The following RBM25 variants were observed in gnomAD, a reference collection of about 807,000 sequenced individuals.
RBM25 encodes RNA binding motif protein 25, also known as RNA-binding protein 25.
In RBM25, 19 loss-of-function variants were observed where a neutral mutation model predicts 120.7. The observed-to-expected ratio is 0.16, with a 90% CI of 0.11 to 0.23. The LOEUF is 0.23. Among genes scored for constraint, RBM25 ranks in the 10% least tolerant of loss-of-function variants. The pLI is 1.00. For synonymous variants in RBM25, 390 were observed against 326.7 expected, an observed-to-expected ratio of 1.19 and a Z score of -2.09; for missense variants, 605 against 1,041.5, an observed-to-expected ratio of 0.58 and a Z score of 5.77.
chr14:73,116,436 G>A (rs965447605), intron 18 of RBM25, among the ~76,000 whole-genome samples: 2 of 152,228 alleles, frequency 1.3e-5, no homozygotes, highest in Non-Finnish European at 2.9e-5. Flanking sequence ...GCTGCTTTGT[G>A]TCCAGGCATT....
chr14:73,104,830 A>G (rs184124545), intron 10 of RBM25, among the ~76,000 whole-genome samples: 1 of 152,252 alleles, frequency 6.6e-6, no homozygotes, highest in Non-Finnish European at 1.5e-5. Context: ...TTACTTGATT[A>G]TGGCTGGAGG....
At chr14:73,066,216 A>G (rs1342785778) in intron 1 of RBM25, among the ~76,000 whole-genome samples, 3 of 152,218 alleles carry the variant, frequency 2.0e-5, no homozygotes, top group Admixed American at 1.3e-4. Flanking sequence ...AAAGTTTTAC[A>G]GAAAGTTTAT....
rs1256713387 is a variant in RBM25 at position 73,099,663 on chromosome 14, T to C, written c.784-4T>C. On this transcript the variant is annotated splice_region_variant and splice_polypyrimidine_tract_variant and intron_variant, in intron 8 of 18. Coordinates refer to ENST00000261973, the MANE Select transcript of RBM25 (RefSeq NM_021239.3). ...CATTCCCTCCTGTGCCCGTTTTCTT[T>C]TAGGAGGATATAAATGCTATAGAAA... 6.3e-7 allele frequency: 1 copy of C among 1,592,774 alleles called. No homozygotes were observed. The highest frequency in any genetic ancestry group is 1.2e-5 in the South Asian group (1 of 86,550).
At position 73,079,183 on chromosome 14, in the gene RBM25, G is replaced by T. The variant is rs1315441284; in HGVS notation, c.324+1647G>T. Among the ~76,000 whole-genome samples, 2 of 150,674 alleles carry T rather than the reference G, an allele frequency of 1.3e-5. 1 individual carries two copies. Among genetic ancestry groups the T allele is most frequent in the Non-Finnish European group, 3.0e-5 (2 of 67,202 alleles). On this transcript the variant is annotated intron_variant, in intron 4 of 18. Coordinates refer to ENST00000261973, the MANE Select transcript of RBM25 (RefSeq NM_021239.3). ...CACACCTGTAATCCCGGCACTTTGCGGGGCCAAGGTGAGTGGATCACTTGA... is the reference window on the plus strand; with the variant it reads ...CACACCTGTAATCCCGGCACTTTGCTGGGCCAAGGTGAGTGGATCACTTGA...
chr14:73,107,996 A>C, intron 13 of RBM25, 97 bp downstream of exon 13: 1 of 814,288 alleles, frequency 1.2e-6, no homozygotes, highest in Non-Finnish European at 2.0e-6. Context: ...AAGTGGAATA[A>C]GAAAAACAAA....
intron 5 of RBM25, among the ~76,000 whole-genome samples, chr14:73,086,088 A>G (rs988431027): frequency 1.3e-5 from 2 of 151,818 alleles, no homozygotes; most frequent in Non-Finnish European, 2.9e-5. Flanking sequence ...CAGACTTAGA[A>G]TCAGCCATTT....
At chr14:73,062,925 A>G (rs1895039563) in intron 1 of RBM25, among the ~76,000 whole-genome samples, 1 of 150,266 alleles carries the variant, frequency 6.7e-6, no homozygotes, top group Admixed American at 6.6e-5. Context: ...GGCTCAAGCG[A>G]TTCTCCCATC....
At chr14:73,112,044 A>T (rs1896320278) in intron 16 of RBM25, 108 bp from the exon 17 acceptor site, 4 of 1,161,294 alleles carry the variant, frequency 3.4e-6, no homozygotes, top group Non-Finnish European at 5.0e-6. Context: ...TCTTAGTTCA[A>T]CTTGTGAAAT....
intron 14 of RBM25, 137 bp from the exon 15 acceptor site, chr14:73,110,694 G>C: frequency 9.4e-7 from 1 of 1,062,984 alleles, no homozygotes; most frequent in Admixed American, 2.9e-5. Context: ...CTCCCAAAGT[G>C]CTGGGATTAC....
At position 73,084,669 on chromosome 14, in the gene RBM25, C is replaced by T. The variant is rs560383173; in HGVS notation, c.382+1118C>T. Among the ~76,000 whole-genome samples the T allele has an allele frequency of 9.9e-5, 15 of 152,008 alleles. 1 individual carries two copies. The highest frequency in any genetic ancestry group is 5.2e-4 in the Admixed American group (8 of 15,252). ...CCAGGTTCAAGCAATTCTCCTGCCC[C>T]AGCCTCCCGAGAAGCTGGGATTACA... On this transcript the variant is annotated intron_variant, in intron 5 of 18. Transcript: ENST00000261973.
chr14:73,119,058 T>C (rs781750808), intron 18 of RBM25, among the ~76,000 whole-genome samples: 5 of 151,770 alleles, frequency 3.3e-5, no homozygotes, highest in Non-Finnish European at 7.4e-5. Context: ...TGTGAGCCAC[T>C]GTGCCCGGTC....
In RBM25 at chr14:73,076,360, G is replaced by A. The variant is rs1895421555; in HGVS notation, c.148G>A (p.Ala50Thr). The A allele has an allele frequency of 6.2e-7, 1 of 1,611,314 alleles. No individual in the cohort carries two copies. The highest frequency in any genetic ancestry group is 1.7e-5 in the Admixed American group (1 of 59,972). Reference protein sequence around the residue: ...IPVPMSIMAPAPTVLVPTVSM... With the variant: ...IPVPMSIMAPTPTVLVPTVSM... ...TGTACCAATGAGCATTATGGCTCCTGCTCCAACTGTAAGTATAACTTAAAG... is the reference window on the plus strand; with the variant it reads ...TGTACCAATGAGCATTATGGCTCCTACTCCAACTGTAAGTATAACTTAAAG... Residue 50 changes from alanine to threonine, a missense_variant, in exon 3 of 19, where the codon GCT becomes ACT. Ala to Thr is a moderately conservative substitution (Grantham distance 58). Transcript: ENST00000261973.
chr14:73,103,513 C>G (rs759710798), intron 10 of RBM25, 35 bp downstream of exon 10: 7 of 1,534,234 alleles, frequency 4.6e-6, no homozygotes, highest in African/African-American at 1.4e-5. Flanking sequence ...TTCCTGATAG[C>G]TTTAAGAAAA....
chr14:73,100,221 C>T (rs1896031602), intron 9 of RBM25: 2 of 617,436 alleles, frequency 3.2e-6, no homozygotes, highest in Non-Finnish European at 6.0e-6. Flanking sequence ...GGTTACCAGA[C>T]TTACCAAATT....
intron 1 of RBM25, chr14:73,068,387 A>ATGTTT: frequency 2.1e-6 from 1 of 476,614 alleles, no homozygotes; most frequent in African/African-American, 2.3e-5. Context: ...CTTGTATTTG[A>ATGTTT]TTTTTTTTTT....
chr14:73,094,387 G>A (rs1027359289), intron 6 of RBM25, among the ~76,000 whole-genome samples: 32 of 152,086 alleles, frequency 2.1e-4, no homozygotes, highest in Non-Finnish European at 4.0e-4. Flanking sequence ...TAGTAAAATA[G>A]CCATATTGAT....
Position 73,062,318 on chromosome 14 carries a change from T to A in RBM25, c.-16+3613T>A, listed in dbSNP as rs1174917629. On this transcript the variant is annotated intron_variant, in intron 1 of 18. Coordinates refer to ENST00000261973, the MANE Select transcript of RBM25 (RefSeq NM_021239.3). Reference sequence around the variant, plus strand: ...CTTTGGGCATAAAACACTTTTTTTTTTCTAGGAATAATTCCTGCAGACCTG... The same window carrying A: ...CTTTGGGCATAAAACACTTTTTTTTATCTAGGAATAATTCCTGCAGACCTG... Among the ~76,000 whole-genome samples the A allele has an allele frequency of 2.0e-5, 3 of 151,496 alleles. No individual in the cohort carries two copies. The South Asian group carries it at 6.2e-4, about 31-fold the overall frequency.
chr14:73,119,684 C>T lies in RBM25; in HGVS notation c.2440-29C>T, dbSNP rs768122217. The T allele has an allele frequency of 6.2e-6, 10 of 1,608,732 alleles. No individual in the cohort carries two copies. The African/African-American group carries it at 8.0e-5, about 13-fold the overall frequency. ...CAGATGTTGATGATTGCTTCTCTTACATGTGTTGCTGTTTTGTTTCCTCTT... is the reference window on the plus strand; with the variant it reads ...CAGATGTTGATGATTGCTTCTCTTATATGTGTTGCTGTTTTGTTTCCTCTT... On this transcript the variant is annotated intron_variant, in intron 18 of 18. Coordinates refer to ENST00000261973, the MANE Select transcript of RBM25 (RefSeq NM_021239.3).
intron 6 of RBM25, among the ~76,000 whole-genome samples, chr14:73,089,926 G>A (rs949517772): frequency 6.6e-6 from 1 of 151,424 alleles, no homozygotes; most frequent in African/African-American, 2.4e-5. Flanking sequence ...CTGGGATTAC[G>A]TGTGAGCCAC....
Sources: allele counts gnomAD v4.1 joint callset (sites outside exome capture counted in the v4.1 genomes callset), GRCh38; gene constraint gnomAD v4.1.1; transcripts MANE v1.5; gene names NCBI Gene and HGNC (gene_info 2026-07-23, HGNC 2026-07-21).